GRIA2: variants seen among roughly 807,000 people sequenced by gnomAD.
The protein encoded by GRIA2 is glutamate ionotropic receptor AMPA type subunit 2.
Under a neutral mutation model 97.3 loss-of-function variants are expected in GRIA2, and 14 were observed. The ratio of observed to expected loss-of-function variants is 0.14; its 90% CI spans 0.10 to 0.23. The LOEUF is 0.23. GRIA2 is among the 10% of genes least tolerant of loss of function. GRIA2 has a pLI of 1.00. For synonymous variants in GRIA2, 412 were observed against 387.8 expected (o/e 1.06, Z -0.73); for missense variants, 558 against 1,069.8 (o/e 0.52, Z 6.67).
intron 13 of GRIA2, chr4:157,360,751 T>A (rs1376505578): frequency 1.8e-6 from 1 of 553,210 alleles, no homozygotes; most frequent in African/African-American, 1.9e-5. Flanking sequence ...GTTGTGGATG[T>A]GAGTACATTG....
At chr4:157,275,021 C>T (rs1360613649) in intron 2 of GRIA2, among the ~76,000 whole-genome samples, 5 of 151,816 alleles carry the variant, frequency 3.3e-5, no homozygotes, top group Non-Finnish European at 7.4e-5. Flanking sequence ...ACATCCTCTC[C>T]AGCGCCTGTT....
At chr4:157,251,100 C>T (rs187272356) in intron 2 of GRIA2, among the ~76,000 whole-genome samples, 2 of 151,920 alleles carry the variant, frequency 1.3e-5, no homozygotes, top group Non-Finnish European at 2.9e-5. Flanking sequence ...TCAAAAAAAG[C>T]GTATACCTTC....
chr4:157,336,055 A>T (rs1220074174), intron 10 of GRIA2, among the ~76,000 whole-genome samples, 178 bp downstream of exon 10: 1 of 152,056 alleles, frequency 6.6e-6, no homozygotes, highest in African/African-American at 2.4e-5. Context: ...AGAAGTAGAC[A>T]TGTAGATTAA....
Position 157,221,093 on chromosome 4 carries a change from A to G in GRIA2, c.51A>G (p.Gly17=). 6.3e-7 allele frequency: 1 copy of G among 1,596,452 alleles called. No individual in the cohort carries two copies. Among genetic ancestry groups the G allele is most frequent in the South Asian group, 1.1e-5 (1 of 90,716 alleles). The change falls in exon 1 of 16, where the codon GGA becomes GGG. Residue 17 remains glycine, a synonymous_variant. Coordinates refer to ENST00000264426, the MANE Select transcript of GRIA2 (RefSeq NM_001083619.3). ...ISVLLSPVLW[G]LIFGVSSNSI... Reference sequence around the variant, plus strand: ...TCCTCCTTTCTCCTGTTTTATGGGGACTGATTTTTGGTGTCTCTTCTAACA... The same window carrying G: ...TCCTCCTTTCTCCTGTTTTATGGGGGCTGATTTTTGGTGTCTCTTCTAACA...
intron 12 of GRIA2, 91 bp downstream of exon 12, chr4:157,341,553 C>T (rs1735547762): frequency 2.4e-6 from 2 of 845,832 alleles, no homozygotes; most frequent in Admixed American, 1.8e-5. Flanking sequence ...TTCCAAGGTA[C>T]TATGTGAAAG....
At chr4:157,294,329 A>G (rs930312997) in intron 2 of GRIA2, among the ~76,000 whole-genome samples, 11 of 152,072 alleles carry the variant, frequency 7.2e-5, no homozygotes, top group Non-Finnish European at 1.3e-4. Flanking sequence ...CTGAGATGTC[A>G]TTGAATCTAT....
intron 2 of GRIA2, among the ~76,000 whole-genome samples, chr4:157,273,301 C>T (rs1461329227): frequency 6.6e-6 from 1 of 151,912 alleles, no homozygotes; most frequent in Admixed American, 6.6e-5. Context: ...ACTATATTTA[C>T]GGTGGTTCCT....
At chr4:157,325,960 G>A (rs960933055) in intron 6 of GRIA2, among the ~76,000 whole-genome samples, 5 of 152,162 alleles carry the variant, frequency 3.3e-5, no homozygotes, top group Non-Finnish European at 7.4e-5. Flanking sequence ...TGTTCCAAAT[G>A]CTCCAATGTC....
chr4:157,248,615 G>GTATATATACGTATATATATACACCTGTA (rs373580182), intron 2 of GRIA2, among the ~76,000 whole-genome samples: 3,183 of 124,416 alleles, frequency 0.026, 61 homozygotes, highest in Non-Finnish European at 0.034. Flanking sequence ...ATATATACAT[G>GTATATATACGTATATATATACACCTGTA]TATATATACG....
intron 6 of GRIA2, among the ~76,000 whole-genome samples, chr4:157,332,207 A>C (rs187284491): frequency 6.6e-6 from 1 of 152,132 alleles, no homozygotes; most frequent in Admixed American, 6.6e-5. Flanking sequence ...GAATACCATA[A>C]GTTTGGAACC....
chr4:157,254,642 T>TA, intron 2 of GRIA2, among the ~76,000 whole-genome samples: 1 of 152,192 alleles, frequency 6.6e-6, no homozygotes, highest in East Asian at 1.9e-4. Flanking sequence ...ATATTGGAAC[T>TA]ATCCTGTGTT....
intron 2 of GRIA2, among the ~76,000 whole-genome samples, chr4:157,294,248 T>G (rs1733238569): frequency 6.6e-6 from 1 of 151,882 alleles, no homozygotes; most frequent in Non-Finnish European, 1.5e-5. Flanking sequence ...AATCTTATAG[T>G]CATTTGAACA....
chr4:157,347,466 G>T (rs1735811906), intron 12 of GRIA2, among the ~76,000 whole-genome samples: 2 of 152,172 alleles, frequency 1.3e-5, no homozygotes, highest in African/African-American at 4.8e-5. Flanking sequence ...AGCAGATCAT[G>T]AGAACGATTA....
intron 11 of GRIA2, among the ~76,000 whole-genome samples, chr4:157,338,272 G>A (rs1277108567): frequency 6.6e-6 from 1 of 151,700 alleles, no homozygotes; most frequent in East Asian, 2.0e-4. Context: ...TGTTACCCTA[G>A]TTCTGAAATG....
chr4:157,231,728 C>T (rs940740101), intron 2 of GRIA2, among the ~76,000 whole-genome samples: 127 of 152,058 alleles, frequency 8.4e-4, no homozygotes, highest in African/African-American at 2.7e-3. Flanking sequence ...TAATTGCTGA[C>T]GGGGCTCATC....
intron 2 of GRIA2, among the ~76,000 whole-genome samples, chr4:157,293,329 A>T (rs989532819): frequency 6.6e-6 from 1 of 152,174 alleles, no homozygotes; most frequent in Admixed American, 6.5e-5. Context: ...ATGTTAATAA[A>T]ATGTTGCTGC....
At chr4:157,248,365 A>C (rs1730827837) in intron 2 of GRIA2, among the ~76,000 whole-genome samples, 1 of 150,398 alleles carries the variant, frequency 6.6e-6, no homozygotes, top group East Asian at 2.0e-4. Context: ...AAAATACAAA[A>C]TATTAAATAC....
intron 5 of GRIA2, among the ~76,000 whole-genome samples, chr4:157,318,669 T>C (rs1301372206): frequency 6.6e-6 from 1 of 152,172 alleles, no homozygotes; most frequent in East Asian, 1.9e-4. Context: ...CAAAATAATT[T>C]AAGCCTTTAC....
chr4:157,246,601 T>C (rs1730743898), intron 2 of GRIA2, among the ~76,000 whole-genome samples: 2 of 152,102 alleles, frequency 1.3e-5, no homozygotes. Context: ...GTTTGCTTTT[T>C]ACAAATTTAA....
Sources: gnomAD v4.1 joint callset for allele counts (sites outside exome capture counted in the v4.1 genomes callset) on GRCh38, gnomAD v4.1.1 for gene constraint, MANE v1.5 for transcripts, NCBI Gene and HGNC (gene_info 2026-07-23, HGNC 2026-07-21) for gene names.